Variants in DCC observed in about 807,000 individuals in gnomAD.
DCC encodes DCC netrin 1 receptor.
A neutral mutation model predicts 172.5 loss-of-function variants in DCC; 58 were observed. That is an observed-to-expected ratio of 0.34 (90% confidence interval 0.27 to 0.42). DCC has a LOEUF of 0.42. Among genes scored for constraint, DCC ranks in the 10% least tolerant of loss-of-function variants. DCC has a pLI of 1.00. For missense variants in DCC, 1,740 were observed against 1,791.0 expected, an observed-to-expected ratio of 0.97 and a Z score of 0.51; for synonymous variants, 709 against 644.5, an observed-to-expected ratio of 1.10 and a Z score of -1.52.
At chr18:53,448,338 C>T (rs747744926) in intron 22 of DCC, among the ~76,000 whole-genome samples, 2 of 152,154 alleles carry the variant, frequency 1.3e-5, no homozygotes, top group Non-Finnish European at 1.5e-5. Flanking sequence ...CAAACACATC[C>T]TTCCTCACAT....
chr18:53,285,467 G>T (rs2056924958), intron 12 of DCC, among the ~76,000 whole-genome samples: 1 of 152,208 alleles, frequency 6.6e-6, no homozygotes, highest in Non-Finnish European at 1.5e-5. Context: ...GTACACAGAA[G>T]TCAAGAATTA....
chr18:52,400,248 T>C (rs775578663), intron 1 of DCC, among the ~76,000 whole-genome samples: 9 of 152,012 alleles, frequency 5.9e-5, no homozygotes, highest in Non-Finnish European at 1.0e-4. Flanking sequence ...TGAAACTGCA[T>C]TATGCTATAA....
intron 21 of DCC, among the ~76,000 whole-genome samples, chr18:53,417,549 G>A (rs1910389600): frequency 6.6e-6 from 1 of 152,144 alleles, no homozygotes; most frequent in Admixed American, 6.6e-5. Flanking sequence ...ATAGTTAATA[G>A]CACCAGCTTT....
At chr18:53,062,359 A>G (rs948714712) in intron 5 of DCC, among the ~76,000 whole-genome samples, 2 of 152,100 alleles carry the variant, frequency 1.3e-5, no homozygotes, top group African/African-American at 4.8e-5. Flanking sequence ...CACTGAGCAT[A>G]ACAAAAATGA....
At chr18:53,306,909 G>C (rs1352802672) in intron 13 of DCC, among the ~76,000 whole-genome samples, 2 of 152,152 alleles carry the variant, frequency 1.3e-5, no homozygotes, top group Non-Finnish European at 2.9e-5. Context: ...AAACCATAAA[G>C]CACATGACTT....
intron 2 of DCC, among the ~76,000 whole-genome samples, chr18:52,811,745 C>T (rs748353671): frequency 9.2e-5 from 14 of 152,170 alleles, no homozygotes; most frequent in African/African-American, 1.4e-4. Context: ...TCTGAATAGA[C>T]GGATTTTCTT....
At chr18:52,373,887 C>CTTTTTTTTTTTTTTTT (rs779518696) in intron 1 of DCC, among the ~76,000 whole-genome samples, 1 of 141,114 alleles carries the variant, frequency 7.1e-6, no homozygotes, top group Non-Finnish European at 1.5e-5. Context: ...TTGGTTGCAT[C>CTTTTTTTTTTTTTTTT]ATTTTTTTTT....
At chr18:52,836,007 C>A (rs112927789) in intron 2 of DCC, among the ~76,000 whole-genome samples, 1 of 152,148 alleles carries the variant, frequency 6.6e-6, no homozygotes, top group Admixed American at 6.5e-5. Flanking sequence ...AGGAAACTTA[C>A]AATTATGGCA....
At chr18:53,411,296 T>C (rs1909974854) in intron 20 of DCC, among the ~76,000 whole-genome samples, 2 of 152,156 alleles carry the variant, frequency 1.3e-5, no homozygotes, top group Non-Finnish European at 2.9e-5. Context: ...ATTTAACAAT[T>C]GAAAATAATT....
At chr18:52,423,562 A>G (rs903342718) in intron 1 of DCC, among the ~76,000 whole-genome samples, 6 of 152,096 alleles carry the variant, frequency 3.9e-5, no homozygotes, top group Non-Finnish European at 5.9e-5. Context: ...AAAAAAAAAA[A>G]AAGTTTCCAT....
In DCC at chr18:53,221,793, G is replaced by A. The variant is rs368287229; in HGVS notation, c.1911+6196G>A. Among the ~76,000 whole-genome samples, 23 of 152,244 alleles carry A rather than the reference G, an allele frequency of 1.5e-4. No individual in the cohort carries two copies. In the East Asian group the frequency reaches 2.9e-3, roughly 19 times the overall value. On this transcript the variant is annotated intron_variant, in intron 12 of 28. Coordinates refer to ENST00000442544, the MANE Select transcript of DCC (RefSeq NM_005215.4). ...GAAATGAAAAACTTAATGAATCAGT[G>A]GTCAAGAATACAGACAGATGCTTTA...
At chr18:53,474,130 A>G (rs2045732757) in intron 25 of DCC, among the ~76,000 whole-genome samples, 1 of 152,192 alleles carries the variant, frequency 6.6e-6, no homozygotes, top group African/African-American at 2.4e-5. Flanking sequence ...ATTCCTAGAT[A>G]TATTCTACTC....
At chr18:52,897,358 T>A (rs1222486170) in intron 2 of DCC, among the ~76,000 whole-genome samples, 1 of 152,244 alleles carries the variant, frequency 6.6e-6, no homozygotes, top group African/African-American at 2.4e-5. Flanking sequence ...GGTAATCTCA[T>A]TATTCCAAAC....
At chr18:53,385,415 T>C (rs1211410439) in intron 15 of DCC, among the ~76,000 whole-genome samples, 1 of 152,202 alleles carries the variant, frequency 6.6e-6, no homozygotes, top group African/African-American at 2.4e-5. Flanking sequence ...CTATGGCAGC[T>C]TGCTTTCTGA....
At chr18:52,530,135 A>G (rs769588001) in intron 1 of DCC, among the ~76,000 whole-genome samples, 17 of 152,242 alleles carry the variant, frequency 1.1e-4, no homozygotes, top group Non-Finnish European at 1.6e-4. Flanking sequence ...AAGCACTTGT[A>G]GTTTATAAAT....
intron 20 of DCC, among the ~76,000 whole-genome samples, chr18:53,412,620 A>T (rs746008816): frequency 2.7e-5 from 4 of 149,806 alleles, no homozygotes; most frequent in Non-Finnish European, 6.0e-5. Flanking sequence ...AAAGGCTTAG[A>T]TGTCCCGAAG....
chr18:53,076,308 T>C (rs1022598588), intron 7 of DCC, among the ~76,000 whole-genome samples: 1 of 152,196 alleles, frequency 6.6e-6, no homozygotes, highest in Admixed American at 6.5e-5. Flanking sequence ...GGAGTCATGG[T>C]AAGCAGTTTC....
At chr18:53,230,962 G>A (rs1239006138) in intron 12 of DCC, among the ~76,000 whole-genome samples, 1 of 150,822 alleles carries the variant, frequency 6.6e-6, no homozygotes, top group Admixed American at 6.7e-5. Flanking sequence ...ATGTAGATTT[G>A]CCTATTATTT....
At chr18:53,128,802 T>G (rs2043601652) in intron 7 of DCC, among the ~76,000 whole-genome samples, 1 of 149,100 alleles carries the variant, frequency 6.7e-6, no homozygotes, top group South Asian at 2.1e-4. Context: ...TTTTAATATT[T>G]GCCTCTCTAC....
Sources: allele counts gnomAD v4.1 joint callset (sites outside exome capture counted in the v4.1 genomes callset), GRCh38; gene constraint gnomAD v4.1.1; transcripts MANE v1.5; gene names NCBI Gene and HGNC (gene_info 2026-07-23, HGNC 2026-07-21).